FHOD3: variants seen among roughly 807,000 people sequenced by gnomAD.
The protein encoded by FHOD3 is FH1/FH2 domain-containing protein 3.
FHOD3 carries 90 observed loss-of-function variants against 173.0 expected under a neutral mutation model. The ratio of observed to expected loss-of-function variants is 0.52; its 90% CI spans 0.44 to 0.62. The LOEUF (loss-of-function observed/expected upper bound fraction) is 0.62, where lower values mean the gene tolerates loss of function less well. Ranked by LOEUF, FHOD3 falls within the 20% of genes least tolerant of loss-of-function variation. The pLI, the probability that FHOD3 is intolerant of heterozygous loss-of-function variation, is 0.00. For synonymous variants in FHOD3, 828 were observed against 823.0 expected (o/e 1.01, Z -0.10); for missense variants, 1,945 against 2,034.7 (o/e 0.96, Z 0.85).
rs76334227 is a variant in FHOD3, at chr18:36,653,842, G to A, written c.1721+426G>A. Among the ~76,000 whole-genome samples, 1,350 of 152,280 alleles carry A rather than the reference G, an allele frequency of 8.9e-3. 23 individuals carry two copies. The highest frequency in any genetic ancestry group is 0.03 in the African/African-American group (1,259 of 41,546). The stretch of plus-strand genomic sequence containing the variant: ...GACATTTATTGAGCATTGTTTTTGA[G>A]CCACATCCTGTATTTTCCATGAAAT... On this transcript the variant is annotated intron_variant, in intron 13 of 28. Coordinates refer to ENST00000590592, the MANE Select transcript of FHOD3 (RefSeq NM_001281740.3).
intron 5 of FHOD3, among the ~76,000 whole-genome samples, chr18:36,560,129 A>T (rs1382959788): frequency 6.6e-6 from 1 of 152,162 alleles, no homozygotes; most frequent in Non-Finnish European, 1.5e-5. Flanking sequence ...GGGTAGATGA[A>T]TTAGCATAAA....
At chr18:36,677,261 T>C (rs972967100) in intron 14 of FHOD3, among the ~76,000 whole-genome samples, 2 of 152,004 alleles carry the variant, frequency 1.3e-5, no homozygotes, top group African/African-American at 4.8e-5. Context: ...CAGGTTCAAG[T>C]GATCCTTCTG....
At chr18:36,567,615 G>A (rs916678413) in intron 5 of FHOD3, among the ~76,000 whole-genome samples, 2 of 152,184 alleles carry the variant, frequency 1.3e-5, no homozygotes, top group Non-Finnish European at 2.9e-5. Context: ...TAAATGGTAG[G>A]AGGCAGATTG....
rs569611937 is a variant in FHOD3 at position 36,700,048 on chromosome 18, A to G, written c.2236+6625A>G. On this transcript the variant is annotated intron_variant, in intron 17 of 28. Transcript: ENST00000590592. ...TCAACATTTGTCTTAGTCTTTTCTC[A>G]TTGTTTGGTTGCAATCCTCTCACTG... Among the ~76,000 whole-genome samples, 93 of 151,938 alleles carry G rather than the reference A, an allele frequency of 6.1e-4. No homozygotes were observed. In the South Asian group the frequency reaches 0.016, roughly 27 times the overall value.
intron 2 of FHOD3, among the ~76,000 whole-genome samples, chr18:36,369,815 C>T (rs1273421724): frequency 6.6e-6 from 1 of 151,960 alleles, no homozygotes; most frequent in African/African-American, 2.4e-5. Flanking sequence ...CCTAAAAAAC[C>T]AGGGACTCTT....
chr18:36,631,153 G>T (rs1190330206), intron 10 of FHOD3, among the ~76,000 whole-genome samples: 1 of 152,138 alleles, frequency 6.6e-6, no homozygotes, highest in Non-Finnish European at 1.5e-5. Flanking sequence ...TGTGGGGCAG[G>T]GTGCAGAGAC....
At chr18:36,481,323 C>T (rs1006673150) in intron 3 of FHOD3, among the ~76,000 whole-genome samples, 4 of 152,076 alleles carry the variant, frequency 2.6e-5, no homozygotes, top group African/African-American at 7.2e-5. Context: ...CCAAAACTCT[C>T]CCTAAGACTG....
intron 1 of FHOD3, among the ~76,000 whole-genome samples, chr18:36,343,520 C>T (rs1288391678): frequency 3.3e-5 from 5 of 152,088 alleles, no homozygotes; most frequent in African/African-American, 9.7e-5. Context: ...GGGATACATC[C>T]CTCATGAACA....
In FHOD3 at chr18:36,696,801, C is replaced by A. The variant is rs1034840980; in HGVS notation, c.2236+3378C>A. ...CCAGCCCAAGGGAGGGAAAGAAAGA[C>A]ATACACACGCTCCTGTTTGCACTGT... On this transcript the variant is annotated intron_variant, in intron 17 of 28. Coordinates refer to ENST00000590592, the MANE Select transcript of FHOD3 (RefSeq NM_001281740.3). Among the ~76,000 whole-genome samples the A allele has an allele frequency of 2.0e-5, 3 of 152,178 alleles. No homozygotes were observed. The East Asian group carries it at 5.8e-4, about 29-fold the overall frequency.
intron 8 of FHOD3, among the ~76,000 whole-genome samples, chr18:36,604,283 C>T (rs1436547583): frequency 6.6e-6 from 1 of 152,210 alleles, no homozygotes; most frequent in Non-Finnish European, 1.5e-5. Flanking sequence ...CAGAAAGATC[C>T]AGAGTCCATT....
intron 6 of FHOD3, among the ~76,000 whole-genome samples, chr18:36,585,648 G>C (rs2059001988): frequency 6.6e-6 from 1 of 152,170 alleles, no homozygotes. Flanking sequence ...GCTGATTGTG[G>C]TTCCTCAATT....
At chr18:36,377,087 G>T (rs1276647802) in intron 3 of FHOD3, among the ~76,000 whole-genome samples, 1 of 152,196 alleles carries the variant, frequency 6.6e-6, no homozygotes, top group Non-Finnish European at 1.5e-5. Flanking sequence ...TCCAGTGCTT[G>T]AGCCTCCTGT....
chr18:36,718,788 AC>A (rs2040602802), intron 19 of FHOD3, 73 bp downstream of exon 19: 1 of 1,523,474 alleles, frequency 6.6e-7, no homozygotes, highest in Non-Finnish European at 8.7e-7. Flanking sequence ...TGTATAAAAT[AC>A]TATTTTGCAT....
At chr18:36,399,732 A>G (rs972277585) in intron 3 of FHOD3, among the ~76,000 whole-genome samples, 2 of 152,170 alleles carry the variant, frequency 1.3e-5, no homozygotes, top group Admixed American at 6.5e-5. Flanking sequence ...CAGAAGGCTC[A>G]TTTGGTTTTA....
chr18:36,596,400 G>A (rs907024634), intron 7 of FHOD3, among the ~76,000 whole-genome samples: 3 of 135,676 alleles, frequency 2.2e-5, no homozygotes, highest in African/African-American at 5.6e-5. Context: ...AGCCAGCACG[G>A]TCTCAGTCTC....
chr18:36,600,581 A>G (rs776826276), intron 7 of FHOD3, among the ~76,000 whole-genome samples: 6 of 152,232 alleles, frequency 3.9e-5, no homozygotes, highest in South Asian at 2.1e-4. Flanking sequence ...TTAGATGGTA[A>G]TAAGAGACTC....
chr18:36,497,463 T>G (rs1231208680), intron 3 of FHOD3, among the ~76,000 whole-genome samples: 1 of 152,204 alleles, frequency 6.6e-6, no homozygotes, highest in Non-Finnish European at 1.5e-5. Context: ...AGATTGCATG[T>G]AAGCAAGATG....
At chr18:36,640,953 G>T (rs2035259921) in intron 10 of FHOD3, among the ~76,000 whole-genome samples, 1 of 152,198 alleles carries the variant, frequency 6.6e-6, no homozygotes. Flanking sequence ...TAGGAGATCA[G>T]AGTTCTTACT....
At chr18:36,686,351 G>A (rs1341550576) in intron 15 of FHOD3, among the ~76,000 whole-genome samples, 2 of 151,634 alleles carry the variant, frequency 1.3e-5, no homozygotes, top group African/African-American at 4.8e-5. Flanking sequence ...ACTAATGCAG[G>A]AACAGAAAAC....
Sources: gnomAD v4.1 joint callset for allele counts (sites outside exome capture counted in the v4.1 genomes callset) on GRCh38, gnomAD v4.1.1 for gene constraint, MANE v1.5 for transcripts, NCBI Gene and HGNC (gene_info 2026-07-23, HGNC 2026-07-21) for gene names.